Variants in SPECC1L observed in about 807,000 individuals in gnomAD.
SPECC1L encodes the protein cytospin-A.
SPECC1L carries 40 observed loss-of-function variants against 116.8 expected under a neutral mutation model. The observed-to-expected ratio is 0.34, with a 90% CI of 0.27 to 0.45. The LOEUF (loss-of-function observed/expected upper bound fraction) is 0.45, where lower values mean the gene tolerates loss of function less well. Ranked by LOEUF, SPECC1L falls within the 20% of genes least tolerant of loss-of-function variation. SPECC1L has a pLI of 1.00. For synonymous variants in SPECC1L, 504 were observed against 500.6 expected (o/e 1.01, Z -0.09); for missense variants, 1,110 against 1,373.6 (o/e 0.81, Z 3.03).
intron 11 of SPECC1L, among the ~76,000 whole-genome samples, chr22:24,348,858 G>C (rs1408281477): frequency 6.6e-6 from 1 of 152,110 alleles, no homozygotes; most frequent in Non-Finnish European, 1.5e-5. Flanking sequence ...AGTTGTCAAC[G>C]ACTGCTGTGT....
At chr22:24,273,733 T>A (rs2048775925) in intron 1 of SPECC1L, among the ~76,000 whole-genome samples, 1 of 152,216 alleles carries the variant, frequency 6.6e-6, no homozygotes. Flanking sequence ...GTTCCTATTC[T>A]GATCATTGTT....
chr22:24,312,572 T>C (rs1271435115), intron 3 of SPECC1L, among the ~76,000 whole-genome samples: 1 of 152,242 alleles, frequency 6.6e-6, no homozygotes, highest in African/African-American at 2.4e-5. Flanking sequence ...AACTGCTCTG[T>C]GTTCCCTTCA....
intron 5 of SPECC1L, 22 bp downstream of exon 5, chr22:24,322,940 A>G (rs2040749432): frequency 6.2e-6 from 10 of 1,613,308 alleles, no homozygotes; most frequent in Non-Finnish European, 8.5e-6. Flanking sequence ...ATAGATTAAA[A>G]TGTTCCGGAC....
At chr22:24,315,541 G>A (rs2040544856) in intron 4 of SPECC1L, among the ~76,000 whole-genome samples, 1 of 152,244 alleles carries the variant, frequency 6.6e-6, no homozygotes, top group African/African-American at 2.4e-5. Flanking sequence ...TGGTAGGAAG[G>A]AAATTAAATA....
intron 11 of SPECC1L, among the ~76,000 whole-genome samples, chr22:24,350,980 G>C (rs1379534300): frequency 6.6e-6 from 1 of 152,214 alleles, no homozygotes; most frequent in Non-Finnish European, 1.5e-5. Context: ...GACGCTCCAT[G>C]TTCCAGGTGG....
intron 2 of SPECC1L, among the ~76,000 whole-genome samples, chr22:24,278,667 A>C (rs2048883502): frequency 6.6e-6 from 1 of 152,232 alleles, no homozygotes. Flanking sequence ...TAAATTAATT[A>C]CATATATAGC....
At chr22:24,403,823 G>A (rs17004915) in intron 14 of SPECC1L, among the ~76,000 whole-genome samples, 5,125 of 152,240 alleles carry the variant, frequency 0.034, 176 homozygotes, top group African/African-American at 0.082. Flanking sequence ...TGCTTTTCTG[G>A]CTTCTGAAAA....
chr22:24,404,876 C>G (rs2042555782), intron 14 of SPECC1L, among the ~76,000 whole-genome samples: 1 of 152,194 alleles, frequency 6.6e-6, no homozygotes, highest in African/African-American at 2.4e-5. Context: ...TTCCCACAGG[C>G]TGTCCCTAGA....
At chr22:24,405,449 T>A (rs907759555) in intron 14 of SPECC1L, among the ~76,000 whole-genome samples, 1 of 151,906 alleles carries the variant, frequency 6.6e-6, no homozygotes, top group Non-Finnish European at 1.5e-5. Context: ...CTAGGGACTT[T>A]CTCGGTGATT....
In SPECC1L at chr22:24,390,133, C is replaced by CT. The variant is rs1011877017; in HGVS notation, c.3087+20815dup. On this transcript the variant is annotated intron_variant, in intron 14 of 16. Coordinates refer to ENST00000314328, the MANE Select transcript of SPECC1L (RefSeq NM_015330.6). ...TTTCTACTCATCCCCTACCCCAACC[C>CT]TTAAAAAAAAAAAAAAAAGAGGACT... Among the ~76,000 whole-genome samples the CT allele has an allele frequency of 9.4e-5, 14 of 148,850 alleles. No individual in the cohort carries two copies. The South Asian group carries it at 1.1e-3, about 12-fold the overall frequency.
chr22:24,359,283 G>T (rs530765494), intron 11 of SPECC1L, among the ~76,000 whole-genome samples: 1 of 151,968 alleles, frequency 6.6e-6, no homozygotes, highest in Non-Finnish European at 1.5e-5. Context: ...CCATGTCACC[G>T]AGTGCACTCC....
chr22:24,291,754 T>C (rs1315067091), intron 2 of SPECC1L, among the ~76,000 whole-genome samples: 1 of 152,158 alleles, frequency 6.6e-6, no homozygotes, highest in Non-Finnish European at 1.5e-5. Context: ...GTACATAGTA[T>C]TACCAGCCCC....
At position 24,415,121 on chromosome 22, in the gene SPECC1L, G is replaced by T. The variant is rs184733482; in HGVS notation, c.*498G>T. On this transcript the variant is annotated 3_prime_UTR_variant, in exon 17 of 17. Coordinates refer to ENST00000314328, the MANE Select transcript of SPECC1L (RefSeq NM_015330.6). Reference sequence around the variant, plus strand: ...TTCCCAGCGCCCTGGGCCCTTCACCGTCCTAGTTTGGAGGAGCATGTTCAC... The same window carrying T: ...TTCCCAGCGCCCTGGGCCCTTCACCTTCCTAGTTTGGAGGAGCATGTTCAC... 2.5e-5 allele frequency: 5 copies of T among 200,122 alleles called. No homozygotes were observed. The highest frequency in any genetic ancestry group is 1.0e-4 in the Admixed American group (2 of 19,050). 12.4% of individuals were successfully genotyped at this position (200,122 alleles called of 1,614,324 possible).
chr22:24,414,998 T>C lies in SPECC1L; in HGVS notation c.*375T>C. ...GGATTCAGTTCTGTGGGAAACTCAC[T>C]AGGGTTGATGAAGGCTCGGCCGCGG... On this transcript the variant is annotated 3_prime_UTR_variant, in exon 17 of 17. Coordinates refer to ENST00000314328, the MANE Select transcript of SPECC1L (RefSeq NM_015330.6). 7.0e-6 allele frequency: 2 copies of C among 285,708 alleles called. No individual in the cohort carries two copies. The highest frequency in any genetic ancestry group is 7.2e-5 in the South Asian group (2 of 27,808). 17.7% of individuals were successfully genotyped at this position (285,708 alleles called of 1,614,324 possible).
intron 4 of SPECC1L, among the ~76,000 whole-genome samples, chr22:24,314,995 T>C (rs568418882): frequency 3.6e-4 from 55 of 152,276 alleles, no homozygotes; most frequent in Non-Finnish European, 7.1e-4. Flanking sequence ...CAAGGAGTAA[T>C]GCTCTCATAT....
At chr22:24,409,390 G>T (rs960392014) in intron 14 of SPECC1L, among the ~76,000 whole-genome samples, 2 of 152,196 alleles carry the variant, frequency 1.3e-5, no homozygotes, top group African/African-American at 4.8e-5. Flanking sequence ...TCTGCATAAA[G>T]TGTGAATTAG....
In SPECC1L at chr22:24,338,299, G is replaced by C; in HGVS notation, c.2561-87G>C. On this transcript the variant is annotated intron_variant, in intron 9 of 16. Coordinates refer to ENST00000314328, the MANE Select transcript of SPECC1L (RefSeq NM_015330.6). ...TGTCCAGCGGGGTTTGAGAGCATTG[G>C]GTAATCAGGCGAGTCCTTAAGTGGA... 6 of 1,302,138 alleles carry C rather than the reference G, an allele frequency of 4.6e-6. No individual in the cohort carries two copies. In the South Asian group the frequency reaches 7.1e-5, roughly 15 times the overall value. 80.7% of individuals were successfully genotyped at this position (1,302,138 alleles called of 1,614,324 possible). A position where few individuals can be genotyped will look rare whatever the true frequency, so the allele number is the denominator to read the frequency against.
At chr22:24,412,312 T>G (rs1213723018) in intron 15 of SPECC1L, 1 of 399,400 alleles carries the variant, frequency 2.5e-6, no homozygotes, top group Non-Finnish European at 4.8e-6. Flanking sequence ...AAGATCCCTG[T>G]GGGGGAAGCT....
chr22:24,324,495 T>G, intron 6 of SPECC1L, 68 bp downstream of exon 6: 1 of 1,444,288 alleles, frequency 6.9e-7, no homozygotes, highest in Non-Finnish European at 9.6e-7. Flanking sequence ...AATTTGCATT[T>G]AGTAATAAAA....
Sources: allele counts gnomAD v4.1 joint callset (sites outside exome capture counted in the v4.1 genomes callset), GRCh38; gene constraint gnomAD v4.1.1; transcripts MANE v1.5; gene names NCBI Gene and HGNC (gene_info 2026-07-23, HGNC 2026-07-21).